SERPINA12: variants seen among roughly 807,000 people sequenced by gnomAD.
SERPINA12 encodes serpin A12.
A neutral mutation model predicts 25.9 loss-of-function variants in SERPINA12; 21 were observed. The observed-to-expected ratio is 0.81, with a 90% confidence interval of 0.58 to 1.17. The LOEUF (loss-of-function observed/expected upper bound fraction) is 1.17, where lower values mean the gene tolerates loss of function less well. SERPINA12 is among the 50% of genes most tolerant of loss of function. The probability of loss-of-function intolerance (pLI) is 0.00; values close to 1 mark genes in which losing one functional copy is unlikely to be tolerated. For synonymous variants in SERPINA12, 220 were observed against 196.0 expected (o/e 1.12, Z -1.02); for missense variants, 562 against 508.3 (o/e 1.11, Z -1.02).
intron 1 of SERPINA12, among the ~76,000 whole-genome samples, chr14:94,517,237 C>A (rs1901258623): frequency 6.6e-6 from 1 of 152,264 alleles, no homozygotes; most frequent in South Asian, 2.1e-4. Context: ...CAGCAGGGAG[C>A]ACAGTGGAGG....
upstream of SERPINA12, chr14:94,511,557 G>T: frequency 8.1e-6 from 8 of 985,400 alleles, no homozygotes; most frequent in South Asian, 4.7e-5. Flanking sequence ...GTATTTGTCG[G>T]GTTGGTTCGT....
chr14:94,496,011 G>A (rs1900401214), intron 3 of SERPINA12, among the ~76,000 whole-genome samples: 1 of 152,126 alleles, frequency 6.6e-6, no homozygotes, highest in South Asian at 2.1e-4. Flanking sequence ...ACAACTCACA[G>A]CTCTCTTTTA....
chr14:94,513,385 A>G (rs962002819), upstream of SERPINA12, among the ~76,000 whole-genome samples: 1 of 152,234 alleles, frequency 6.6e-6, no homozygotes, highest in Admixed American at 6.5e-5. Context: ...GTAGAGACTC[A>G]AGAATCTGAA....
At chr14:94,517,463 G>A (rs966879064) in exon 1 of SERPINA12, 1 of 152,208 alleles carries the variant, frequency 6.6e-6, no homozygotes, top group African/African-American at 2.4e-5. Context: ...CTTCCCTGTA[G>A]GGCCGATGAG....
chr14:94,489,284 A>G (rs2139844066), intron 4 of SERPINA12, among the ~76,000 whole-genome samples: 1 of 151,866 alleles, frequency 6.6e-6, no homozygotes, highest in Middle Eastern at 3.4e-3. Context: ...GAAAGAAAAG[A>G]AAGAAAGAAA....
intron 3 of SERPINA12, among the ~76,000 whole-genome samples, chr14:94,492,135 C>T (rs997831229): frequency 2.6e-5 from 4 of 152,014 alleles, no homozygotes; most frequent in African/African-American, 4.8e-5. Flanking sequence ...AGAAACCAGC[C>T]GAAGAGCGAG....
intron 2 of SERPINA12, among the ~76,000 whole-genome samples, chr14:94,514,759 G>A (rs1165055482): frequency 1.3e-5 from 2 of 152,204 alleles, no homozygotes; most frequent in Non-Finnish European, 2.9e-5. Flanking sequence ...TTGGTGGCCA[G>A]AGGTAGGCAG....
intron 2 of SERPINA12, among the ~76,000 whole-genome samples, chr14:94,515,510 G>A (rs535321588): frequency 3.9e-5 from 6 of 152,258 alleles, no homozygotes; most frequent in Non-Finnish European, 5.9e-5. Flanking sequence ...ACAGAGCCTC[G>A]CTCATGTTCC....
At chr14:94,503,762 C>A (rs61978264) in intron 1 of SERPINA12, among the ~76,000 whole-genome samples, 17,341 of 152,246 alleles carry the variant, frequency 0.11, 1,225 homozygotes, top group Middle Eastern at 0.22. Flanking sequence ...ATGGATCCAG[C>A]CTCTATCCTC....
At chr14:94,490,249 C>T (rs1052251142) in intron 3 of SERPINA12, among the ~76,000 whole-genome samples, 4 of 152,140 alleles carry the variant, frequency 2.6e-5, no homozygotes, top group Admixed American at 6.5e-5. Flanking sequence ...GGAAAATGAT[C>T]ACCGTCGCTC....
intron 1 of SERPINA12, 77 bp from the exon 2 acceptor site, chr14:94,498,507 A>G (rs1175137565): frequency 1.9e-5 from 22 of 1,176,388 alleles, no homozygotes; most frequent in Non-Finnish European, 2.5e-5. Context: ...ATGAAAGAAG[A>G]AATACAGTGA....
chr14:94,489,863 G>T, intron 3 of SERPINA12, 96 bp from the exon 4 acceptor site: 3 of 1,239,606 alleles, frequency 2.4e-6, no homozygotes, highest in East Asian at 2.4e-5. Context: ...TGTCCTCCCA[G>T]CCCCAAAGGT....
At chr14:94,504,800 A>G (rs1016811794) in intron 1 of SERPINA12, among the ~76,000 whole-genome samples, 2 of 152,308 alleles carry the variant, frequency 1.3e-5, no homozygotes, top group East Asian at 1.9e-4. Context: ...TGATGAGACT[A>G]TGGCTGAACT....
chr14:94,510,061 G>T (rs1482099735), upstream of SERPINA12: 1 of 985,330 alleles, frequency 1.0e-6, no homozygotes, highest in Non-Finnish European at 1.2e-6. Context: ...GGACGTCTCA[G>T]GGCCTGGGCC....
rs564383761 is a variant in SERPINA12, at chr14:94,492,575, G to A, written c.906-2808C>T. Among the ~76,000 whole-genome samples the A allele has an allele frequency of 9.8e-5, 15 of 152,330 alleles. No homozygotes were observed. The South Asian group carries it at 1.2e-3, about 13-fold the overall frequency. ...TCTGATGGAAATGATTCAGAAGAGA[G>A]AAAAACATATGCTGATGTAGGAAAG... On this transcript the variant is annotated intron_variant, in intron 3 of 4. Transcript: ENST00000677451.
intron 2 of SERPINA12, among the ~76,000 whole-genome samples, chr14:94,496,904 C>T (rs1900452281): frequency 6.6e-6 from 1 of 152,200 alleles, no homozygotes; most frequent in Non-Finnish European, 1.5e-5. Flanking sequence ...TCAGGTTCCC[C>T]TAAGCCTGAG....
At chr14:94,513,589 T>G (rs1394451456), upstream of SERPINA12, among the ~76,000 whole-genome samples, 1 of 152,154 alleles carries the variant, frequency 6.6e-6, no homozygotes, top group Non-Finnish European at 1.5e-5. Context: ...GGAGGATAAA[T>G]TAAAGTAGTG....
chr14:94,508,468 C>T (rs899489943), intron 1 of SERPINA12, among the ~76,000 whole-genome samples: 15 of 151,730 alleles, frequency 9.9e-5, no homozygotes, highest in African/African-American at 3.1e-4. Context: ...TCAGAACATT[C>T]GAGAAAAGGT....
rs144650232 is a variant in SERPINA12 at position 94,500,365 on chromosome 14, T to A, written c.-33-1935A>T. On this transcript the variant is annotated intron_variant, in intron 1 of 4. Coordinates refer to ENST00000677451, the MANE Select transcript of SERPINA12 (RefSeq NM_001382267.1). ...TCATCTTCTCTTTCTTTTTCTTCTT[T>A]TCAATAATATACTCTTCTCTCAGGC... Among the ~76,000 whole-genome samples, 742 of 152,210 alleles carry A rather than the reference T, an allele frequency of 4.9e-3. 2 individuals are homozygous for A. Among genetic ancestry groups the A allele is most frequent in the South Asian group, 0.01 (50 of 4,816 alleles).
Sources: gnomAD v4.1 joint callset for allele counts (sites outside exome capture counted in the v4.1 genomes callset) on GRCh38, gnomAD v4.1.1 for gene constraint, MANE v1.5 for transcripts, NCBI Gene and HGNC (gene_info 2026-07-23, HGNC 2026-07-21) for gene names.